Variants in UBE2B observed in about 807,000 individuals in gnomAD.
UBE2B encodes ubiquitin conjugating enzyme E2 B, also known as ubiquitin-conjugating enzyme E2 B.
In UBE2B, 11 loss-of-function variants were observed where a neutral mutation model predicts 24.6. That is an observed-to-expected ratio of 0.45 (90% confidence interval 0.28 to 0.74). The LOEUF (loss-of-function observed/expected upper bound fraction) is 0.74, where lower values mean the gene tolerates loss of function less well. UBE2B is among the 30% of genes least tolerant of loss of function. The pLI is 0.13. For missense variants in UBE2B, 78 were observed against 185.6 expected (o/e 0.42, Z 3.37); for synonymous variants, 68 against 62.4 (o/e 1.09, Z -0.42).
intron 1 of UBE2B, among the ~76,000 whole-genome samples, chr5:134,373,663 T>C (rs1249412684): frequency 6.6e-6 from 1 of 152,116 alleles, no homozygotes; most frequent in African/African-American, 2.4e-5. Context: ...GGCCCCTGTG[T>C]GTGATGTTCC....
Position 134,376,683 on chromosome 5 carries a change from C to T in UBE2B, c.140C>T (p.Pro47Leu). The T allele has an allele frequency of 6.2e-7, 1 of 1,610,812 alleles. No homozygotes were observed. The highest frequency in any genetic ancestry group is 1.1e-5 in the South Asian group (1 of 90,810). ...NAVIFGPEGT[P>L]FEDGTFKLVI... The stretch of plus-strand genomic sequence containing the variant: ...CTTGTTTTCAGACCAGAAGGGACAC[C>T]TTTTGAAGATGGTAAGTCATACTCA... The change falls in exon 3 of 6, where the codon CCT becomes CTT. Residue 47 changes from proline to leucine, a missense_variant. By Grantham distance (98) the Pro-to-Leu change is moderately conservative. This residue lies in a region of UBE2B where 57 missense variants were observed against 167.7 expected (regional missense o/e 0.34). Transcript: ENST00000265339.
intron 4 of UBE2B, among the ~76,000 whole-genome samples, chr5:134,384,681 TA>T (rs1415463855): frequency 3.3e-5 from 5 of 152,230 alleles, no homozygotes; most frequent in East Asian, 1.9e-4. Context: ...CTTTCTGGTT[TA>T]TTTTTTTAAA....
At chr5:134,386,024 AAAAG>A (rs958429665) in intron 4 of UBE2B, among the ~76,000 whole-genome samples, 1 of 111,790 alleles carries the variant, frequency 8.9e-6, no homozygotes, top group Non-Finnish European at 1.8e-5. Context: ...AAAAAAAAGA[AAAAG>A]AAAAGAGGAT....
At chr5:134,376,838 T>C in intron 3 of UBE2B, 144 bp downstream of exon 3, 1 of 707,476 alleles carries the variant, frequency 1.4e-6, no homozygotes, top group Non-Finnish European at 2.3e-6. Flanking sequence ...TTATACTTCA[T>C]AAGGGACTTC....
In UBE2B at chr5:134,371,610, C is replaced by G; in HGVS notation, c.15C>G (p.Ala5=). The change falls in exon 1 of 6, where the codon GCC becomes GCG. Residue 5 remains alanine, a synonymous_variant. Transcript: ENST00000265339. The part of the protein sequence containing the change: MSTP[A]RRRLMRDFKR... ...AGCTGCGGAGCATGTCGACCCCGGC[C>G]CGGAGGAGGCTCATGCGGGATTTCA... 1 of 1,613,094 alleles carries G rather than the reference C, an allele frequency of 6.2e-7. No individual in the cohort carries two copies. The highest frequency in any genetic ancestry group is 8.5e-7 in the Non-Finnish European group (1 of 1,179,872).
At chr5:134,381,877 G>T (rs1008598544) in intron 4 of UBE2B, among the ~76,000 whole-genome samples, 1 of 152,158 alleles carries the variant, frequency 6.6e-6, no homozygotes, top group Non-Finnish European at 1.5e-5. Flanking sequence ...CTGGGAGACG[G>T]AGGTTGCAGT....
chr5:134,390,305 T>A lies in UBE2B; in HGVS notation c.411T>A (p.Tyr137Ter). ...AQLYQENKRE[Y>*]EKRVSAIVEQ... is the part of the protein sequence containing the mutation. ...TTTATCAGGAAAACAAACGAGAATA[T>A]GAGAAAAGAGTTTCGGCCATTGTTG... The change falls in exon 6 of 6, where the codon TAT becomes TAA. Residue 137 changes from tyrosine (Y) to a stop codon, truncating the protein, a stop_gained. Transcript: ENST00000265339. LOFTEE classifies it high-confidence loss of function. The surrounding 1 kb of genome is among the most constrained non-coding windows in gnomAD (Gnocchi z 4.6). The A allele has an allele frequency of 6.2e-7, 1 of 1,613,958 alleles. No individual in the cohort carries two copies. Among genetic ancestry groups the A allele is most frequent in the Non-Finnish European group, 8.5e-7 (1 of 1,179,822 alleles).
intron 3 of UBE2B, among the ~76,000 whole-genome samples, chr5:134,378,386 A>G (rs1205987025): frequency 6.6e-6 from 1 of 151,954 alleles, no homozygotes; most frequent in African/African-American, 2.4e-5. Context: ...CAGCCTTCCA[A>G]GTAGCTGGGA....
chr5:134,383,801 A>C (rs969020760), intron 4 of UBE2B, among the ~76,000 whole-genome samples: 1 of 151,722 alleles, frequency 6.6e-6, no homozygotes, highest in Non-Finnish European at 1.5e-5. Flanking sequence ...ATTTTGATTG[A>C]GTTTTTTGTT....
intron 4 of UBE2B, among the ~76,000 whole-genome samples, chr5:134,386,006 C>A (rs1172713967): frequency 6.9e-6 from 1 of 145,706 alleles, no homozygotes; most frequent in Non-Finnish European, 1.5e-5. Flanking sequence ...GAGCGAGACT[C>A]CATCTCAAAA....
At chr5:134,386,613 C>G (rs1282703553) in intron 4 of UBE2B, among the ~76,000 whole-genome samples, 1 of 148,268 alleles carries the variant, frequency 6.7e-6, no homozygotes, top group Non-Finnish European at 1.5e-5. Context: ...TCCTGGGCAA[C>G]AAGAGCGAAA....
intron 1 of UBE2B, among the ~76,000 whole-genome samples, 182 bp downstream of exon 1, chr5:134,371,821 C>T (rs1215091538): frequency 1.3e-5 from 2 of 152,298 alleles, no homozygotes; most frequent in East Asian, 3.9e-4. Context: ...CGTTCTGGCG[C>T]CCGAAGAAAT....
At chr5:134,386,027 A>C (rs1758795354) in intron 4 of UBE2B, among the ~76,000 whole-genome samples, 1 of 148,734 alleles carries the variant, frequency 6.7e-6, no homozygotes, top group South Asian at 2.1e-4. Context: ...AAAAAGAAAA[A>C]GAAAAGAGGA....
chr5:134,390,175 GGT>G lies in UBE2B; in HGVS notation c.331-49_331-48del. 1 of 1,608,692 alleles carries G rather than the reference GGT, an allele frequency of 6.2e-7. No homozygotes were observed. Among genetic ancestry groups the G allele is most frequent in the Non-Finnish European group, 8.5e-7 (1 of 1,177,404 alleles). ...ATATATTCCATATCTGACCCCTGTT[GGT>G]ATAAAGAACAACTATGCAAATCTGT... is the stretch of plus-strand genomic sequence containing the variant. On this transcript the variant is annotated intron_variant, in intron 5 of 5. Coordinates refer to ENST00000265339, the MANE Select transcript of UBE2B (RefSeq NM_003337.4). This position sits in a 1 kb window ranked among gnomAD's most constrained non-coding sequence, Gnocchi z 4.6.
At chr5:134,386,664 T>C (rs1433129796) in intron 4 of UBE2B, among the ~76,000 whole-genome samples, 3 of 151,898 alleles carry the variant, frequency 2.0e-5, no homozygotes, top group African/African-American at 4.8e-5. Context: ...AATAAGATCA[T>C]CCATAACCCT....
At chr5:134,386,081 C>CT (rs989888365) in intron 4 of UBE2B, among the ~76,000 whole-genome samples, 3 of 151,894 alleles carry the variant, frequency 2.0e-5, no homozygotes, top group African/African-American at 7.3e-5. Flanking sequence ...AATCCCAGCA[C>CT]TTTGGGAGAC....
intron 2 of UBE2B, among the ~76,000 whole-genome samples, chr5:134,375,286 G>A (rs138718411): frequency 9.5e-4 from 145 of 152,218 alleles, no homozygotes; most frequent in African/African-American, 3.2e-3. Flanking sequence ...TGTATATTGC[G>A]TATATGCTTT....
intron 3 of UBE2B, among the ~76,000 whole-genome samples, chr5:134,379,012 TA>T (rs1411124307): frequency 2.0e-5 from 3 of 152,260 alleles, no homozygotes; most frequent in African/African-American, 7.2e-5. Context: ...TTGCTGTTGA[TA>T]AAATAACAGC....
rs1284344739 is a variant in UBE2B at position 134,391,170 on chromosome 5, A to C, written c.*817A>C. 1 of 152,652 alleles carries C rather than the reference A, an allele frequency of 6.6e-6. No homozygotes were observed. Among genetic ancestry groups the C allele is most frequent in the Admixed American group, 6.5e-5 (1 of 15,282 alleles). 9.5% of individuals were successfully genotyped at this position (152,652 alleles called of 1,614,324 possible). A position where few individuals can be genotyped will look rare whatever the true frequency, so the allele number is the denominator to read the frequency against. On this transcript the variant is annotated 3_prime_UTR_variant, in exon 6 of 6. Transcript: ENST00000265339. The stretch of plus-strand genomic sequence containing the variant: ...TTAAAAAATTTTTTGATTAATGAAG[A>C]AAGTAAAACCATAAACATTTGCCAA...
Sources: gnomAD v4.1 joint callset for allele counts (sites outside exome capture counted in the v4.1 genomes callset) on GRCh38, gnomAD v4.1.1 for gene constraint, gnomAD v4.1.1 regional missense constraint, Gnocchi (gnomAD v3.1) non-coding constraint, MANE v1.5 for transcripts, NCBI Gene and HGNC (gene_info 2026-07-23, HGNC 2026-07-21) for gene names.